Variants in FBXL17 observed in about 807,000 individuals in gnomAD.
FBXL17 encodes F-box/LRR-repeat protein 17.
FBXL17 carries 22 observed loss-of-function variants against 66.2 expected under a neutral mutation model. That is an observed-to-expected ratio of 0.33 (90% confidence interval 0.24 to 0.47). The LOEUF (loss-of-function observed/expected upper bound fraction) is 0.47, where lower values mean the gene tolerates loss of function less well. Among genes scored for constraint, FBXL17 ranks in the 20% least tolerant of loss-of-function variants. The pLI is 1.00. For missense variants in FBXL17, 878 were observed against 948.2 expected, an observed-to-expected ratio of 0.93 and a Z score of 0.97; for synonymous variants, 474 against 400.5, an observed-to-expected ratio of 1.18 and a Z score of -2.19.
At chr5:107,932,885 G>A (rs913999306) in intron 7 of FBXL17, among the ~76,000 whole-genome samples, 8 of 152,174 alleles carry the variant, frequency 5.3e-5, no homozygotes, top group African/African-American at 1.2e-4. Flanking sequence ...AAGATGTCTC[G>A]TTCAGTGTTG....
intron 4 of FBXL17, among the ~76,000 whole-genome samples, chr5:108,308,338 A>C (rs1335279113): frequency 6.6e-6 from 1 of 152,098 alleles, no homozygotes; most frequent in Non-Finnish European, 1.5e-5. Flanking sequence ...ATGTTATCTC[A>C]TTATAATAAT....
At chr5:107,876,554 G>A (rs760952400) in intron 8 of FBXL17, among the ~76,000 whole-genome samples, 1 of 151,926 alleles carries the variant, frequency 6.6e-6, no homozygotes, top group Non-Finnish European at 1.5e-5. Flanking sequence ...TTTTATCACC[G>A]AGGCCTCGCA....
intron 7 of FBXL17, among the ~76,000 whole-genome samples, chr5:107,888,558 C>T (rs1490513630): frequency 6.6e-6 from 1 of 152,192 alleles, no homozygotes; most frequent in Non-Finnish European, 1.5e-5. Flanking sequence ...ATTATCTTGA[C>T]TTCCAATCAC....
At chr5:107,973,354 A>ATTT (rs200079422) in intron 7 of FBXL17, among the ~76,000 whole-genome samples, 93 of 120,394 alleles carry the variant, frequency 7.7e-4, no homozygotes, top group African/African-American at 9.9e-4. Flanking sequence ...TTTTTTTGTA[A>ATTT]TTTTTTTTTT....
At chr5:108,278,354 A>C (rs1757567711) in intron 4 of FBXL17, among the ~76,000 whole-genome samples, 2 of 152,222 alleles carry the variant, frequency 1.3e-5, no homozygotes, top group Admixed American at 1.3e-4. Context: ...GGCTGTGTGC[A>C]GTCCTAGGAA....
At position 107,933,824 on chromosome 5, in the gene FBXL17, T is replaced by G. The variant is rs139804081; in HGVS notation, c.1823-52645A>C. Reference sequence around the variant, plus strand: ...ACTTTGACCATTACATTTCTTTTCATTTGACAATTTTGAAACAAAAACATA... The same window carrying G: ...ACTTTGACCATTACATTTCTTTTCAGTTGACAATTTTGAAACAAAAACATA... On this transcript the variant is annotated intron_variant, in intron 7 of 8. Transcript: ENST00000542267. Among the ~76,000 whole-genome samples the G allele has an allele frequency of 1.7e-4, 26 of 152,250 alleles. No individual in the cohort carries two copies. The East Asian group carries it at 5.0e-3, about 29-fold the overall frequency.
chr5:107,972,485 T>A (rs1323909844), intron 7 of FBXL17, among the ~76,000 whole-genome samples: 1 of 152,206 alleles, frequency 6.6e-6, no homozygotes, highest in Non-Finnish European at 1.5e-5. Flanking sequence ...TGTTCCTTGG[T>A]AGCCTTAGAC....
At chr5:108,276,838 A>G (rs1027889567) in intron 4 of FBXL17, among the ~76,000 whole-genome samples, 1 of 152,148 alleles carries the variant, frequency 6.6e-6, no homozygotes, top group African/African-American at 2.4e-5. Flanking sequence ...TTATGTAAAA[A>G]GCCTTCTCTA....
At chr5:108,247,021 A>G (rs1756130816) in intron 4 of FBXL17, among the ~76,000 whole-genome samples, 1 of 152,188 alleles carries the variant, frequency 6.6e-6, no homozygotes, top group Non-Finnish European at 1.5e-5. Flanking sequence ...ATGTAATTCA[A>G]TTCACAAATG....
chr5:108,213,223 T>C (rs1754453088), intron 5 of FBXL17, among the ~76,000 whole-genome samples: 1 of 152,170 alleles, frequency 6.6e-6, no homozygotes, highest in Non-Finnish European at 1.5e-5. Context: ...CTTAGTTTGC[T>C]GGGCTCCATG....
chr5:108,101,821 C>T (rs761364758), intron 6 of FBXL17, among the ~76,000 whole-genome samples: 24 of 152,204 alleles, frequency 1.6e-4, no homozygotes, highest in Non-Finnish European at 3.1e-4. Flanking sequence ...TTCAAAGCTA[C>T]TAAAAATACA....
At chr5:108,046,257 T>C (rs1747249916) in intron 6 of FBXL17, among the ~76,000 whole-genome samples, 1 of 152,230 alleles carries the variant, frequency 6.6e-6, no homozygotes, top group Non-Finnish European at 1.5e-5. Flanking sequence ...CTGATGTTAA[T>C]GTAGCCATTC....
intron 6 of FBXL17, among the ~76,000 whole-genome samples, chr5:108,174,238 T>C (rs1231599669): frequency 6.6e-6 from 1 of 152,196 alleles, no homozygotes; most frequent in Non-Finnish European, 1.5e-5. Flanking sequence ...CTTATAAATA[T>C]ATTAAATAAC....
At chr5:107,994,628 A>AG (rs1261778571) in intron 7 of FBXL17, among the ~76,000 whole-genome samples, 2 of 152,132 alleles carry the variant, frequency 1.3e-5, no homozygotes, top group Non-Finnish European at 2.9e-5. Flanking sequence ...TTATGAGGTC[A>AG]GGAGTTCAAG....
chr5:108,295,223 AT>A (rs1283864297), intron 4 of FBXL17, among the ~76,000 whole-genome samples: 1 of 151,908 alleles, frequency 6.6e-6, no homozygotes, highest in Non-Finnish European at 1.5e-5. Flanking sequence ...AATTTGTGAT[AT>A]TTTACTACAA....
chr5:107,927,760 T>A (rs1221294317), intron 7 of FBXL17, among the ~76,000 whole-genome samples: 1 of 152,140 alleles, frequency 6.6e-6, no homozygotes, highest in East Asian at 1.9e-4. Context: ...TGATTTATAA[T>A]GATAAGTTGA....
At chr5:108,368,916 A>T (rs1212121166) in intron 1 of FBXL17, among the ~76,000 whole-genome samples, 2 of 4,046 alleles carry the variant, frequency 4.9e-4, no homozygotes, top group East Asian at 7.2e-3. Flanking sequence ...ACAAGGATTT[A>T]AAAAAAAAAA....
chr5:108,104,799 C>T (rs1409509086), intron 6 of FBXL17, among the ~76,000 whole-genome samples: 1 of 152,186 alleles, frequency 6.6e-6, no homozygotes, highest in Admixed American at 6.5e-5. Context: ...GAAGGTTACA[C>T]ATAGAGTACT....
intron 7 of FBXL17, among the ~76,000 whole-genome samples, chr5:107,881,416 C>G (rs1257293560): frequency 1.3e-5 from 2 of 152,148 alleles, no homozygotes; most frequent in Admixed American, 1.3e-4. Flanking sequence ...AACCTTTTAT[C>G]AGTTTTATTC....
Sources: allele counts gnomAD v4.1 joint callset (sites outside exome capture counted in the v4.1 genomes callset), GRCh38; gene constraint gnomAD v4.1.1; transcripts MANE v1.5; gene names NCBI Gene and HGNC (gene_info 2026-07-23, HGNC 2026-07-21).